The following DRC9 variants were observed in gnomAD, a reference collection of about 807,000 sequenced individuals.
The protein encoded by DRC9 is dynein regulatory complex protein 9.
chr3:197,954,778 G>C, the DRC9 span, among the ~76,000 whole-genome samples: 4 of 152,270 alleles, frequency 2.6e-5, 1 homozygote, highest in Middle Eastern at 6.8e-3. Flanking sequence ...AGAGTGCTGG[G>C]ATTATATGCT....
chr3:197,904,344 TG>T, the DRC9 span, among the ~76,000 whole-genome samples: 1 of 151,890 alleles, frequency 6.6e-6, no homozygotes, highest in Non-Finnish European at 1.5e-5. Flanking sequence ...TATTGGTTGG[TG>T]GAAATGTAAA....
the DRC9 span, among the ~76,000 whole-genome samples, chr3:197,937,469 CT>C: frequency 2.0e-3 from 298 of 145,440 alleles, no homozygotes; most frequent in African/African-American, 5.1e-3. Context: ...TTTCTTTTCT[CT>C]TTTTTTTTTT....
At chr3:197,950,835 T>TC in the DRC9 span, 2 of 1,025,756 alleles carry the variant, frequency 1.9e-6, no homozygotes, top group Non-Finnish European at 3.0e-6. Flanking sequence ...TACATGAAAC[T>TC]CCCATCCAAA....
At chr3:197,914,094 C>T in the DRC9 span, 2 of 1,475,506 alleles carry the variant, frequency 1.4e-6, no homozygotes, top group Non-Finnish European at 1.9e-6. Flanking sequence ...TACCTCCATT[C>T]AGTTCAGTCA....
chr3:197,892,521 T>C, the DRC9 span: 6 of 1,357,392 alleles, frequency 4.4e-6, no homozygotes, highest in East Asian at 1.4e-4. Flanking sequence ...CCCTGATTCC[T>C]TCCACTCCCT....
chr3:197,959,160 T>C, the DRC9 span: 1 of 152,120 alleles, frequency 6.6e-6, no homozygotes, highest in African/African-American at 2.4e-5. Context: ...TGAGCCGAGA[T>C]TGTGTCACTG....
the DRC9 span, among the ~76,000 whole-genome samples, chr3:197,904,098 ATATATATATATAT>A: frequency 1.9e-4 from 9 of 46,906 alleles, 1 homozygote; most frequent in Non-Finnish European, 8.7e-5. Flanking sequence ...ATATATATAT[ATATATATATATAT>A]TTTTTTTTTT....
At chr3:197,955,221 G>A in the DRC9 span, among the ~76,000 whole-genome samples, 2 of 151,772 alleles carry the variant, frequency 1.3e-5, no homozygotes, top group African/African-American at 4.8e-5. Flanking sequence ...CTTTTACTCT[G>A]TCTTTAGAAG....
chr3:197,955,779 C>T, the DRC9 span: 407 of 1,600,170 alleles, frequency 2.5e-4, 3 homozygotes, highest in East Asian at 8.0e-3. Context: ...TTTAAACTAA[C>T]GAAAAATCAA....
chr3:197,917,045 G>A, the DRC9 span, among the ~76,000 whole-genome samples: 1 of 152,226 alleles, frequency 6.6e-6, no homozygotes, highest in Non-Finnish European at 1.5e-5. Flanking sequence ...ACCTGGTGGG[G>A]TGGCTCACGC....
the DRC9 span, among the ~76,000 whole-genome samples, chr3:197,899,265 CATA>C: frequency 6.6e-6 from 1 of 152,102 alleles, no homozygotes; most frequent in Non-Finnish European, 1.5e-5. Flanking sequence ...AAAATAAAAT[CATA>C]ATAATAATCT....
At chr3:197,943,886 A>G in the DRC9 span, 2 of 1,614,100 alleles carry the variant, frequency 1.2e-6, no homozygotes, top group Non-Finnish European at 1.7e-6. Context: ...GCACATCTGG[A>G]AGGGACAGTG....
At chr3:197,938,866 T>C in the DRC9 span, 3 of 966,944 alleles carry the variant, frequency 3.1e-6, no homozygotes, top group Admixed American at 4.1e-5. Flanking sequence ...TTTTCAACAT[T>C]ATCTTCTCTG....
the DRC9 span, among the ~76,000 whole-genome samples, chr3:197,902,607 G>C: frequency 6.6e-6 from 1 of 151,874 alleles, no homozygotes; most frequent in African/African-American, 2.4e-5. Flanking sequence ...AAGAGCAGAA[G>C]TGATCAAGCA....
At chr3:197,907,398 T>C in the DRC9 span, among the ~76,000 whole-genome samples, 1 of 152,144 alleles carries the variant, frequency 6.6e-6, no homozygotes, top group African/African-American at 2.4e-5. Context: ...TGTAGGCAAA[T>C]GTTGAGTCAC....
At chr3:197,941,115 C>T in the DRC9 span, among the ~76,000 whole-genome samples, 1 of 151,990 alleles carries the variant, frequency 6.6e-6, no homozygotes, top group African/African-American at 2.4e-5. Flanking sequence ...AATGCCTTCC[C>T]ATTTGTTTGT....
the DRC9 span, chr3:197,914,107 G>C: frequency 7.3e-7 from 1 of 1,365,980 alleles, no homozygotes; most frequent in Non-Finnish European, 1.0e-6. Flanking sequence ...TTCAGTCAGC[G>C]GCTTACGGTT....
chr3:197,932,898 A>G, the DRC9 span, among the ~76,000 whole-genome samples: 1 of 138,668 alleles, frequency 7.2e-6, no homozygotes, highest in Non-Finnish European at 1.5e-5. Context: ...TAATATATGT[A>G]TTATATATGT....
chr3:197,946,855 T>C, the DRC9 span, among the ~76,000 whole-genome samples: 12 of 152,310 alleles, frequency 7.9e-5, no homozygotes, highest in Middle Eastern at 3.4e-3. Flanking sequence ...GGAGTTTTTC[T>C]CTTCTTGCCT....
Sources: gnomAD v4.1 joint callset for allele counts (sites outside exome capture counted in the v4.1 genomes callset) on GRCh38, gnomAD v4.1.1 for gene constraint, MANE v1.5 for transcripts, NCBI Gene and HGNC (gene_info 2026-07-23, HGNC 2026-07-21) for gene names.